The following SLIT2 variants were observed in gnomAD, a reference collection of about 807,000 sequenced individuals.
SLIT2 encodes slit homolog 2 protein.
In SLIT2, 41 loss-of-function variants were observed where a neutral mutation model predicts 185.7. That is an observed-to-expected ratio of 0.22 (90% CI 0.17 to 0.29). The LOEUF (loss-of-function observed/expected upper bound fraction) is 0.29, where lower values mean the gene tolerates loss of function less well. Among genes scored for constraint, SLIT2 ranks in the 10% least tolerant of loss-of-function variants. The probability of loss-of-function intolerance (pLI) is 1.00; values close to 1 mark genes in which losing one functional copy is unlikely to be tolerated. For synonymous variants in SLIT2, 693 were observed against 680.2 expected, an observed-to-expected ratio of 1.02 and a Z score of -0.29; for missense variants, 1,571 against 1,909.0, an observed-to-expected ratio of 0.82 and a Z score of 3.30.
intron 4 of SLIT2, among the ~76,000 whole-genome samples, chr4:20,387,997 CT>C (rs34484366): frequency 0.11 from 15,988 of 152,116 alleles, 874 homozygotes; most frequent in African/African-American, 0.14. Flanking sequence ...CGTTTCATCT[CT>C]ATACATGTAG....
chr4:20,482,373 G>A (rs1716788676), intron 6 of SLIT2, among the ~76,000 whole-genome samples: 1 of 151,962 alleles, frequency 6.6e-6, no homozygotes, highest in South Asian at 2.1e-4. Flanking sequence ...ACACATAAAT[G>A]TATCGAATAC....
chr4:20,274,675 G>A lies in SLIT2; in HGVS notation c.395+5794G>A, dbSNP rs16869472. On this transcript the variant is annotated intron_variant, in intron 4 of 36. Coordinates refer to ENST00000504154, the MANE Select transcript of SLIT2 (RefSeq NM_004787.4). Reference sequence around the variant, plus strand: ...CCAACACACAGAGTGGACCTTCTGAGTGTGAAATCCACAGCATAGCTCATA... The same window carrying A: ...CCAACACACAGAGTGGACCTTCTGAATGTGAAATCCACAGCATAGCTCATA... Among the ~76,000 whole-genome samples, 761 of 151,762 alleles carry A rather than the reference G, an allele frequency of 5.0e-3. 11 individuals are homozygous for A. Among genetic ancestry groups the A allele is most frequent in the African/African-American group, 0.018 (742 of 41,382 alleles).
chr4:20,390,011 A>T (rs962914839), intron 4 of SLIT2, among the ~76,000 whole-genome samples: 2 of 152,076 alleles, frequency 1.3e-5, no homozygotes, highest in African/African-American at 4.8e-5. Context: ...GTGCAGTCCG[A>T]TAAATGAGGT....
At chr4:20,472,860 T>C (rs1166265708) in intron 5 of SLIT2, among the ~76,000 whole-genome samples, 2 of 151,240 alleles carry the variant, frequency 1.3e-5, no homozygotes, top group East Asian at 1.9e-4. Flanking sequence ...ACTTAGTAAG[T>C]ACCAGAATAT....
intron 34 of SLIT2, among the ~76,000 whole-genome samples, chr4:20,611,155 A>G (rs1729187113): frequency 6.6e-6 from 1 of 152,206 alleles, no homozygotes; most frequent in Admixed American, 6.5e-5. Flanking sequence ...TTAGTGTACA[A>G]TTTCATCACC....
chr4:20,497,069 T>C (rs1033378945), intron 9 of SLIT2, among the ~76,000 whole-genome samples: 2 of 152,130 alleles, frequency 1.3e-5, no homozygotes, highest in Admixed American at 1.3e-4. Flanking sequence ...TCTGAGATTT[T>C]TTTTTTTTCT....
At chr4:20,567,203 A>G (rs1725160391) in intron 26 of SLIT2, 59 bp from the exon 27 acceptor site, 1 of 1,438,560 alleles carries the variant, frequency 7.0e-7, no homozygotes, top group Non-Finnish European at 9.6e-7. Context: ...AAGGCATACA[A>G]GTAATTAAAA....
At chr4:20,364,370 T>G in intron 4 of SLIT2, 7 of 663,120 alleles carry the variant, frequency 1.1e-5, no homozygotes, top group Non-Finnish European at 1.3e-5. Flanking sequence ...ATTAGCTCTC[T>G]ACTGCAAAGA....
Position 20,331,156 on chromosome 4 carries a change from A to G in SLIT2, c.395+62275A>G, listed in dbSNP as rs116926526. On this transcript the variant is annotated intron_variant, in intron 4 of 36. Transcript: ENST00000504154. The stretch of plus-strand genomic sequence containing the variant: ...TATGCAGTCTCTTTTATGATACTAG[A>G]CATGCCTTTTTGAATTTTCAGTAAA... Among the ~76,000 whole-genome samples the G allele has an allele frequency of 4.6e-4, 70 of 152,268 alleles. 1 individual carries two copies. In the East Asian group the frequency reaches 0.012, roughly 26 times the overall value.
chr4:20,593,530 A>T (rs998659028), intron 30 of SLIT2, among the ~76,000 whole-genome samples: 45 of 152,236 alleles, frequency 3.0e-4, no homozygotes, highest in African/African-American at 1.0e-3. Context: ...TACAAGATGA[A>T]TAATAAGTTC....
chr4:20,272,002 C>T (rs1398664276), intron 4 of SLIT2, among the ~76,000 whole-genome samples: 2 of 152,066 alleles, frequency 1.3e-5, no homozygotes, highest in African/African-American at 2.4e-5. Context: ...GCTGTCTGCT[C>T]CAATTTCTCT....
At chr4:20,296,410 G>C (rs912312438) in intron 4 of SLIT2, among the ~76,000 whole-genome samples, 1 of 152,186 alleles carries the variant, frequency 6.6e-6, no homozygotes, top group Admixed American at 6.6e-5. Flanking sequence ...ATTTAATTTA[G>C]TAGTTTTAGA....
At chr4:20,609,503 T>A (rs1729045484) in intron 33 of SLIT2, among the ~76,000 whole-genome samples, 1 of 152,190 alleles carries the variant, frequency 6.6e-6, no homozygotes, top group South Asian at 2.1e-4. Context: ...TCCCACCAAG[T>A]TGTTTCTCCT....
At chr4:20,293,735 G>A (rs902177938) in intron 4 of SLIT2, among the ~76,000 whole-genome samples, 2 of 152,238 alleles carry the variant, frequency 1.3e-5, no homozygotes, top group African/African-American at 2.4e-5. Flanking sequence ...CACCTCCCAT[G>A]CTGGAAACTA....
chr4:20,256,290 T>A (rs957023261), intron 1 of SLIT2, among the ~76,000 whole-genome samples: 15 of 146,050 alleles, frequency 1.0e-4, no homozygotes, highest in Non-Finnish European at 2.1e-4. Flanking sequence ...ATTGGGCATT[T>A]AACCTCCTGA....
At position 20,528,688 on chromosome 4, in the gene SLIT2, C is replaced by T. The variant is rs1721517709; in HGVS notation, c.1463-261C>T. Among the ~76,000 whole-genome samples the T allele has an allele frequency of 6.6e-6, 1 of 151,972 alleles. No individual in the cohort carries two copies. ...AGCTGTGAAGTAGGCTAGAATGACT[C>T]AGAATTGGATCAGCAGAAAGTACAG... On this transcript the variant is annotated intron_variant, in intron 15 of 36. Transcript: ENST00000504154. This position sits in a 1 kb window ranked among gnomAD's most constrained non-coding sequence, Gnocchi z 4.2.
rs1441736010 is a variant in SLIT2, at chr4:20,620,181, C to T, written c.*1172C>T. On this transcript the variant is annotated 3_prime_UTR_variant, in exon 37 of 37. Coordinates refer to ENST00000504154, the MANE Select transcript of SLIT2 (RefSeq NM_004787.4). ...GTAGCAATCAACACTAGAAAGTAGA[C>T]CTTTTGCAAATTAATATGTCCTTGA... 3 of 303,638 alleles carry T rather than the reference C, an allele frequency of 9.9e-6. No homozygotes were observed. The highest frequency in any genetic ancestry group is 9.7e-5 in the Admixed American group (2 of 20,518). 18.8% of individuals were successfully genotyped at this position (303,638 alleles called of 1,614,324 possible).
At chr4:20,555,046 G>A (rs1044964427) in intron 26 of SLIT2, among the ~76,000 whole-genome samples, 1 of 151,356 alleles carries the variant, frequency 6.6e-6, no homozygotes, top group African/African-American at 2.5e-5. Flanking sequence ...TGGGATTACA[G>A]GTGTGAGCCA....
intron 12 of SLIT2, among the ~76,000 whole-genome samples, chr4:20,519,799 G>A (rs1261854196): frequency 6.6e-6 from 1 of 151,810 alleles, no homozygotes; most frequent in East Asian, 1.9e-4. Flanking sequence ...TTGGGAGGCC[G>A]AGGCAGGTGG....
Sources: allele counts gnomAD v4.1 joint callset (sites outside exome capture counted in the v4.1 genomes callset), GRCh38; gene constraint gnomAD v4.1.1; non-coding constraint Gnocchi (gnomAD v3.1); transcripts MANE v1.5; gene names NCBI Gene and HGNC (gene_info 2026-07-23, HGNC 2026-07-21).